Variants in SEPTIN11 observed in about 807,000 individuals in gnomAD.
SEPTIN11 encodes the protein septin 11.
Under a neutral mutation model 51.4 loss-of-function variants are expected in SEPTIN11, and 25 were observed. The observed-to-expected ratio is 0.49, with a 90% confidence interval of 0.35 to 0.68. The LOEUF (loss-of-function observed/expected upper bound fraction) is 0.68, where lower values mean the gene tolerates loss of function less well. Among genes scored for constraint, SEPTIN11 ranks in the 30% least tolerant of loss-of-function variants. The pLI is 0.00. For synonymous variants in SEPTIN11, 174 were observed against 184.1 expected, an observed-to-expected ratio of 0.95 and a Z score of 0.44; for missense variants, 381 against 520.8, an observed-to-expected ratio of 0.73 and a Z score of 2.61.
At chr4:76,975,237 A>G (rs927355603) in intron 1 of SEPTIN11, among the ~76,000 whole-genome samples, 2 of 152,184 alleles carry the variant, frequency 1.3e-5, no homozygotes, top group African/African-American at 4.8e-5. Context: ...GGACTAAAGA[A>G]TAACTAATGC....
At chr4:76,978,150 T>C (rs2109911295) in intron 1 of SEPTIN11, among the ~76,000 whole-genome samples, 1 of 152,308 alleles carries the variant, frequency 6.6e-6, no homozygotes, top group Middle Eastern at 3.4e-3. Context: ...AACCTTAATC[T>C]GTACTCTCTG....
Position 76,966,807 on chromosome 4 carries a change from T to A in SEPTIN11, c.27+16877T>A, listed in dbSNP as rs543870838. Among the ~76,000 whole-genome samples, 78 of 152,212 alleles carry A rather than the reference T, an allele frequency of 5.1e-4. 1 individual carries two copies. Among genetic ancestry groups the A allele is most frequent in the African/African-American group, 1.9e-3 (77 of 41,526 alleles). ...TGAGTCTGGGAGTTTCAGGCTGCAG[T>A]GAGCCGAGATTGTGCCACTGTACTC... is the stretch of plus-strand genomic sequence containing the variant. On this transcript the variant is annotated intron_variant, in intron 1 of 9. Transcript: ENST00000264893.
chr4:77,016,615 C>CACATAT (rs1553975015), intron 5 of SEPTIN11, among the ~76,000 whole-genome samples: 2 of 79,226 alleles, frequency 2.5e-5, no homozygotes, highest in South Asian at 4.6e-4. Context: ...TATATATACA[C>CACATAT]ATATATATAT....
chr4:76,983,101 C>T (rs1471790782), intron 1 of SEPTIN11, among the ~76,000 whole-genome samples: 1 of 152,158 alleles, frequency 6.6e-6, no homozygotes, highest in Non-Finnish European at 1.5e-5. Flanking sequence ...GGTGTACACG[C>T]TCTGCATAAT....
Position 77,037,851 on chromosome 4 carries a change from A to C in SEPTIN11, c.*3339A>C. 5 of 985,902 alleles carry C rather than the reference A, an allele frequency of 5.1e-6. No individual in the cohort carries two copies. The South Asian group carries it at 2.3e-4, about 46-fold the overall frequency. 61.1% of individuals were successfully genotyped at this position (985,902 alleles called of 1,614,324 possible). ...TTCAACAATGGGAATTATTTAATGT[A>C]ACAGTGGGCACAGATTACTTATCTT... On this transcript the variant is annotated 3_prime_UTR_variant, in exon 10 of 10. Transcript: ENST00000264893.
intron 1 of SEPTIN11, among the ~76,000 whole-genome samples, chr4:76,976,661 C>T (rs1225022912): frequency 2.6e-5 from 4 of 152,204 alleles, no homozygotes; most frequent in Non-Finnish European, 5.9e-5. Context: ...TCTTGCTTGG[C>T]GTCAGCATTT....
In SEPTIN11 at chr4:76,984,952, A is replaced by G. The variant is rs1419719972; in HGVS notation, c.28-11473A>G. Reference sequence around the variant, plus strand: ...ATCATCTCTGATGTGGGCCAGTGCGAAAGAGCAGCTGCAACATCTGTTTCT... The same window carrying G: ...ATCATCTCTGATGTGGGCCAGTGCGGAAGAGCAGCTGCAACATCTGTTTCT... On this transcript the variant is annotated intron_variant, in intron 1 of 9. Coordinates refer to ENST00000264893, the MANE Select transcript of SEPTIN11 (RefSeq NM_018243.4). This position sits in a 1 kb window ranked among gnomAD's most constrained non-coding sequence, Gnocchi z 4.1. The G allele has an allele frequency of 6.6e-6, 1 of 152,246 alleles. No individual in the cohort carries two copies. 9.4% of individuals were successfully genotyped at this position (152,246 alleles called of 1,614,324 possible). A position where few individuals can be genotyped will look rare whatever the true frequency, so the allele number is the denominator to read the frequency against.
chr4:76,992,234 G>A (rs1387577129), intron 1 of SEPTIN11, among the ~76,000 whole-genome samples: 1 of 152,170 alleles, frequency 6.6e-6, no homozygotes, highest in Admixed American at 6.5e-5. Flanking sequence ...TATACTTGGA[G>A]CTACTTTGCC....
chr4:76,970,852 A>G (rs957750592), intron 1 of SEPTIN11, among the ~76,000 whole-genome samples: 11 of 151,948 alleles, frequency 7.2e-5, no homozygotes, highest in African/African-American at 2.4e-4. Flanking sequence ...TATAGGATTG[A>G]CTCCTGAAGC....
chr4:76,950,520 G>A (rs1721286830), intron 1 of SEPTIN11, among the ~76,000 whole-genome samples: 1 of 152,266 alleles, frequency 6.6e-6, no homozygotes, highest in Admixed American at 6.5e-5. Context: ...GTTTTCTGGA[G>A]GCTCCCTTGT....
chr4:76,967,245 A>G (rs1722071670), intron 1 of SEPTIN11, among the ~76,000 whole-genome samples: 2 of 152,234 alleles, frequency 1.3e-5, no homozygotes, highest in South Asian at 4.1e-4. Flanking sequence ...TAACATTAAT[A>G]AGAAATAGAA....
chr4:76,959,374 A>G (rs1721721441), intron 1 of SEPTIN11, among the ~76,000 whole-genome samples: 1 of 151,568 alleles, frequency 6.6e-6, no homozygotes, highest in Non-Finnish European at 1.5e-5. Flanking sequence ...TAGGCCTCCC[A>G]AAATGCTGAG....
Position 77,003,190 on chromosome 4 carries a change from A to G in SEPTIN11, c.143-2411A>G, listed in dbSNP as rs540869870. ...CCAAAGAGAAAAACTGTGATTAGAT[A>G]GACCACTCTCCAATGTGGAGCCCCA... On this transcript the variant is annotated intron_variant, in intron 2 of 9. Coordinates refer to ENST00000264893, the MANE Select transcript of SEPTIN11 (RefSeq NM_018243.4). Among the ~76,000 whole-genome samples, 61 of 152,360 alleles carry G rather than the reference A, an allele frequency of 4.0e-4. 2 individuals carry two copies. The South Asian group carries it at 0.012, about 30-fold the overall frequency.
chr4:76,994,365 A>G (rs1268961975), intron 1 of SEPTIN11, among the ~76,000 whole-genome samples: 1 of 152,210 alleles, frequency 6.6e-6, no homozygotes, highest in Non-Finnish European at 1.5e-5. Context: ...CTAAAGAGGA[A>G]GGGGCAGGTA....
intron 1 of SEPTIN11, among the ~76,000 whole-genome samples, chr4:76,961,270 C>A (rs1468489793): frequency 2.0e-5 from 3 of 152,066 alleles, no homozygotes. Context: ...TCTTCCCAGG[C>A]TATCTTTCGA....
intron 1 of SEPTIN11, among the ~76,000 whole-genome samples, chr4:76,973,743 G>C (rs937303614): frequency 3.9e-5 from 6 of 152,174 alleles, no homozygotes; most frequent in Non-Finnish European, 8.8e-5. Flanking sequence ...CTAAGAACTT[G>C]GGCGAATTTC....
chr4:77,006,659 A>T (rs955604717), intron 3 of SEPTIN11, among the ~76,000 whole-genome samples: 5 of 152,218 alleles, frequency 3.3e-5, no homozygotes, highest in African/African-American at 9.6e-5. Context: ...TGTGACCAAC[A>T]TGTAGACATG....
intron 1 of SEPTIN11, among the ~76,000 whole-genome samples, chr4:76,957,043 G>T (rs1721595140): frequency 7.2e-6 from 1 of 139,184 alleles, no homozygotes; most frequent in Admixed American, 7.3e-5. Context: ...GAGTTAGGCA[G>T]CCACAATGAA....
At chr4:76,998,043 T>A (rs988884938) in intron 2 of SEPTIN11, among the ~76,000 whole-genome samples, 1 of 151,984 alleles carries the variant, frequency 6.6e-6, no homozygotes, top group Admixed American at 6.6e-5. Flanking sequence ...AGGGGCTGAC[T>A]CCTTGTGTTA....
Sources: gnomAD v4.1 joint callset for allele counts (sites outside exome capture counted in the v4.1 genomes callset) on GRCh38, gnomAD v4.1.1 for gene constraint, Gnocchi (gnomAD v3.1) non-coding constraint, MANE v1.5 for transcripts, NCBI Gene and HGNC (gene_info 2026-07-23, HGNC 2026-07-21) for gene names.